PREPL: variants seen among roughly 807,000 people sequenced by gnomAD.
The protein encoded by PREPL is prolyl endopeptidase-like.
PREPL carries 77 observed loss-of-function variants against 70.6 expected under a neutral mutation model. The observed-to-expected ratio is 1.09, with a 90% CI of 0.91 to 1.32. The LOEUF is 1.32. Among genes scored for constraint, PREPL ranks in the 40% most tolerant of loss-of-function variants. The probability of loss-of-function intolerance (pLI) is 0.00; values close to 1 mark genes in which losing one functional copy is unlikely to be tolerated. For synonymous variants in PREPL, 315 were observed against 264.8 expected (o/e 1.19, Z -1.84); for missense variants, 1,002 against 778.2 (o/e 1.29, Z -3.42).
At chr2:44,338,616 T>C in intron 6 of PREPL, 80 bp from the exon 7 acceptor site, 3 of 1,092,926 alleles carry the variant, frequency 2.7e-6, no homozygotes, top group East Asian at 2.4e-5. Context: ...CACTGAGAAC[T>C]AGACCATACT....
In PREPL at chr2:44,339,224, C is replaced by T; in HGVS notation, c.625G>A (p.Gly209Arg). The stretch of plus-strand genomic sequence containing the variant: ...CTGTGTTCAACATAGTAAAGGACCC[C>T]ATGTATTCGCTTCTGGATAAGTACT... ...PPVLIQKRIH[G>R]VLYYVEHRDD... is the part of the protein sequence containing the mutation. Residue 209 changes from glycine to arginine, a missense_variant, in exon 6 of 14, where the codon GGG becomes AGG. By Grantham distance (125) the Gly-to-Arg change is moderately radical (BLOSUM62 -2). Transcript: ENST00000409411. The T allele has an allele frequency of 6.2e-7, 1 of 1,614,022 alleles. No homozygotes were observed. The highest frequency in any genetic ancestry group is 8.5e-7 in the Non-Finnish European group (1 of 1,179,962).
At chr2:44,324,631 AC>A (rs1313171043) in intron 10 of PREPL, among the ~76,000 whole-genome samples, 1 of 152,168 alleles carries the variant, frequency 6.6e-6, no homozygotes, top group Non-Finnish European at 1.5e-5. Flanking sequence ...TAATCCCAGC[AC>A]ATTGGGAGGC....
chr2:44,321,357 C>G lies in PREPL; in HGVS notation c.1916G>C (p.Ter639SerextTer12), dbSNP rs1672922516. ...CAATTCCCAGTTGAATGCAGTGTTT[C>G]AGAATTTCAGGTATTTCTTAAGATC... ...FEDLKKYLKF[*>S] Residue 639 changes from the stop codon to serine (S), a stop_lost, in exon 14 of 14, where the codon TGA becomes TCA. Transcript: ENST00000409411. 6.2e-7 allele frequency: 1 copy of G among 1,600,386 alleles called. No homozygotes were observed. Among genetic ancestry groups the G allele is most frequent in the Non-Finnish European group, 8.6e-7 (1 of 1,168,394 alleles).
At chr2:44,346,504 A>G in intron 1 of PREPL, 114 bp from the exon 2 acceptor site, 1 of 903,746 alleles carries the variant, frequency 1.1e-6, no homozygotes. Context: ...AAAAGAAATA[A>G]GATTAAATAG....
chr2:44,334,146 A>C (rs1358063798), intron 7 of PREPL, among the ~76,000 whole-genome samples: 1 of 152,232 alleles, frequency 6.6e-6, no homozygotes, highest in Non-Finnish European at 1.5e-5. Flanking sequence ...AACTAACTCA[A>C]GGATATCTTA....
chr2:44,322,932 T>C, intron 11 of PREPL, 78 bp from the exon 12 acceptor site: 1 of 1,526,514 alleles, frequency 6.6e-7, no homozygotes. Flanking sequence ...TGAAAAATAA[T>C]TACCTCCAAT....
intron 6 of PREPL, among the ~76,000 whole-genome samples, chr2:44,338,781 C>T (rs1347135299): frequency 2.6e-5 from 4 of 152,170 alleles, no homozygotes; most frequent in Non-Finnish European, 4.4e-5. Context: ...AGTGAGGGCA[C>T]TGACAGCTAG....
chr2:44,335,680 A>C lies in PREPL; in HGVS notation c.888+2671T>G, dbSNP rs1053172899. Among the ~76,000 whole-genome samples, 12 of 152,322 alleles carry C rather than the reference A, an allele frequency of 7.9e-5. No homozygotes were observed. The East Asian group carries it at 1.9e-3, about 24-fold the overall frequency. ...AAAGATGCCAAAAGCAATTGCAACA[A>C]AAACAAAAATCAGCAACTGGAAACT... On this transcript the variant is annotated intron_variant, in intron 7 of 13. Coordinates refer to ENST00000409411, the MANE Select transcript of PREPL (RefSeq NM_001171613.2).
At chr2:44,358,805 A>G (rs924158888) in intron 1 of PREPL, among the ~76,000 whole-genome samples, 21 of 152,146 alleles carry the variant, frequency 1.4e-4, no homozygotes, top group African/African-American at 4.3e-4. Context: ...CAAAAACGCA[A>G]GATTATTTTT....
chr2:44,356,677 G>T (rs1384994881), intron 1 of PREPL, among the ~76,000 whole-genome samples: 4 of 152,330 alleles, frequency 2.6e-5, no homozygotes, highest in East Asian at 1.9e-4. Flanking sequence ...TATACAGTTA[G>T]ACTGCAGAAG....
rs1572833362 is a variant in PREPL at position 44,320,956 on chromosome 2, A to G, written c.*400T>C. ...GAAGAATTTTATCTTTTCCCTTAAA[A>G]TGCAGTCATAGAAATTAGAGGATGA... On this transcript the variant is annotated 3_prime_UTR_variant, in exon 14 of 14. Transcript: ENST00000409411. The G allele has an allele frequency of 2.4e-6, 1 of 408,656 alleles. No individual in the cohort carries two copies. The highest frequency in any genetic ancestry group is 4.5e-6 in the Non-Finnish European group (1 of 223,370). The allele number at this position is 408,656 out of a possible 1,614,324, so 25.3% of individuals were successfully genotyped here.
At chr2:44,329,143 G>C (rs1673833406) in intron 8 of PREPL, 31 bp from the exon 9 acceptor site, 4 of 1,528,490 alleles carry the variant, frequency 2.6e-6, no homozygotes, top group Non-Finnish European at 3.6e-6. Context: ...TGTATGTAAA[G>C]AAGAGTCTTT....
chr2:44,338,046 C>G (rs573452458), intron 7 of PREPL, among the ~76,000 whole-genome samples: 2 of 152,144 alleles, frequency 1.3e-5, no homozygotes, highest in Non-Finnish European at 2.9e-5. Flanking sequence ...TTTACTATAT[C>G]TCAAGTTGCA....
At position 44,343,764 on chromosome 2, in the gene PREPL, GA is replaced by G; in HGVS notation, c.329del (p.Phe110SerfsTer10). 6.2e-7 allele frequency: 1 copy of G among 1,613,740 alleles called. No individual in the cohort carries two copies. The highest frequency in any genetic ancestry group is 8.5e-7 in the Non-Finnish European group (1 of 1,179,682). ...LSDQPVMEAS[F>X]PNVSSFEWVK... is the part of the protein sequence containing the mutation. ...GCTTACCAAAACTGGACACATTCGGGAAAGAAGCTTCCATTACGGGCTGATC... is the reference window on the plus strand; with the variant it reads ...GCTTACCAAAACTGGACACATTCGGGAAGAAGCTTCCATTACGGGCTGATC... On this transcript the variant is annotated frameshift_variant, in exon 4 of 14. Transcript: ENST00000409411. LOFTEE classifies it high-confidence loss of function.
At chr2:44,335,708 A>G (rs950051249) in intron 7 of PREPL, among the ~76,000 whole-genome samples, 6 of 152,180 alleles carry the variant, frequency 3.9e-5, no homozygotes, top group African/African-American at 1.4e-4. Flanking sequence ...TGGAAACTAA[A>G]GAGTTCCTGC....
At chr2:44,341,635 A>G (rs1194393821) in intron 5 of PREPL, among the ~76,000 whole-genome samples, 1 of 152,018 alleles carries the variant, frequency 6.6e-6, no homozygotes, top group Non-Finnish European at 1.5e-5. Context: ...AAATATAAAG[A>G]ACTAGACATT....
chr2:44,337,435 C>T (rs1276514872), intron 7 of PREPL, among the ~76,000 whole-genome samples: 3 of 152,180 alleles, frequency 2.0e-5, no homozygotes, highest in Non-Finnish European at 1.5e-5. Flanking sequence ...GGATATTCTG[C>T]TTTAACAGCT....
chr2:44,359,608 A>G (rs1677442258), intron 1 of PREPL: 2 of 1,611,210 alleles, frequency 1.2e-6, no homozygotes, highest in Admixed American at 3.3e-5. Context: ...TATTGTAACA[A>G]TGATCAGCGA....
At chr2:44,339,486 A>G (rs1237013013) in intron 5 of PREPL, 123 bp from the exon 6 acceptor site, 1 of 1,359,172 alleles carries the variant, frequency 7.4e-7, no homozygotes, top group Non-Finnish European at 9.7e-7. Context: ...GGAAATTAAA[A>G]TAATTCCTTA....
Sources: gnomAD v4.1 joint callset for allele counts (sites outside exome capture counted in the v4.1 genomes callset) on GRCh38, gnomAD v4.1.1 for gene constraint, MANE v1.5 for transcripts, NCBI Gene and HGNC (gene_info 2026-07-23, HGNC 2026-07-21) for gene names.